The following LINGO2 variants were observed in gnomAD, a reference collection of about 807,000 sequenced individuals.
LINGO2 encodes leucine-rich repeat and immunoglobulin-like domain-containing nogo receptor-interacting protein 2.
In LINGO2, 14 loss-of-function variants were observed where a neutral mutation model predicts 30.6. That is an observed-to-expected ratio of 0.46 (90% CI 0.30 to 0.72). The LOEUF (loss-of-function observed/expected upper bound fraction) is 0.72. Among genes scored for constraint, LINGO2 ranks in the 30% least tolerant of loss-of-function variants. LINGO2 has a pLI of 0.07. For synonymous variants in LINGO2, 317 were observed against 288.5 expected, an observed-to-expected ratio of 1.10 and a Z score of -1.00; for missense variants, 729 against 751.7, an observed-to-expected ratio of 0.97 and a Z score of 0.35.
intron 2 of LINGO2, among the ~76,000 whole-genome samples, chr9:28,403,432 C>A (rs955193311): frequency 1.3e-5 from 2 of 152,192 alleles, no homozygotes; most frequent in African/African-American, 4.8e-5. Flanking sequence ...TCAGGTCTGA[C>A]AGCTAGCTCT....
the LINGO2 span, among the ~76,000 whole-genome samples, chr9:29,071,482 CATATATATATAT>C: frequency 0.016 from 1,900 of 120,820 alleles, 24 homozygotes; most frequent in Non-Finnish European, 0.022. Flanking sequence ...ATTAACTGGT[CATATATATATAT>C]ATATATATAT....
chr9:28,537,154 T>A (rs1037950018), intron 1 of LINGO2, among the ~76,000 whole-genome samples: 5 of 152,056 alleles, frequency 3.3e-5, no homozygotes, highest in Admixed American at 6.6e-5. Flanking sequence ...GAAAGAAGCA[T>A]GAAAAATACT....
intron 5 of LINGO2, among the ~76,000 whole-genome samples, chr9:27,967,786 T>C (rs537490741): frequency 6.6e-6 from 1 of 152,154 alleles, no homozygotes; most frequent in Non-Finnish European, 1.5e-5. Flanking sequence ...GTTAATGTAA[T>C]CCTTTTCCAG....
chr9:28,681,270 C>T, the LINGO2 span, among the ~76,000 whole-genome samples: 1 of 151,964 alleles, frequency 6.6e-6, no homozygotes, highest in Non-Finnish European at 1.5e-5. Context: ...CCTGCTATGC[C>T]AGATGCACTA....
At chr9:28,927,746 T>C in the LINGO2 span, among the ~76,000 whole-genome samples, 3 of 152,248 alleles carry the variant, frequency 2.0e-5, no homozygotes, top group Non-Finnish European at 4.4e-5. Flanking sequence ...TGCTAAAAAC[T>C]GCTGTAGGCA....
At chr9:27,999,351 T>A (rs1821827295) in intron 5 of LINGO2, among the ~76,000 whole-genome samples, 1 of 152,048 alleles carries the variant, frequency 6.6e-6, no homozygotes, top group Non-Finnish European at 1.5e-5. Flanking sequence ...TGATGTTTTG[T>A]GTGCAGGTGT....
intron 3 of LINGO2, among the ~76,000 whole-genome samples, chr9:28,345,731 T>A (rs920981090): frequency 6.6e-6 from 1 of 152,184 alleles, no homozygotes; most frequent in East Asian, 1.9e-4. Flanking sequence ...CTCATTGTGA[T>A]AAAATCACTA....
intron 4 of LINGO2, among the ~76,000 whole-genome samples, chr9:28,027,397 C>A (rs1167816001): frequency 1.3e-5 from 2 of 152,136 alleles, no homozygotes; most frequent in East Asian, 3.9e-4. Context: ...CCAAATAATG[C>A]CTAAAATTAC....
chr9:28,911,356 T>C, the LINGO2 span, among the ~76,000 whole-genome samples: 1 of 152,030 alleles, frequency 6.6e-6, no homozygotes, highest in Non-Finnish European at 1.5e-5. Context: ...TTTCTTTATT[T>C]AAAGAAGCAC....
the LINGO2 span, among the ~76,000 whole-genome samples, chr9:28,829,320 A>G: frequency 1.3e-5 from 2 of 152,088 alleles, no homozygotes; most frequent in Non-Finnish European, 2.9e-5. Context: ...CTATCCTTCA[A>G]TTTGTTCATG....
At chr9:28,752,273 G>A in the LINGO2 span, among the ~76,000 whole-genome samples, 1 of 151,894 alleles carries the variant, frequency 6.6e-6, no homozygotes, top group Admixed American at 6.6e-5. Flanking sequence ...ACCTTTCTTG[G>A]TGATTTTGCC....
chr9:29,029,251 G>A, the LINGO2 span, among the ~76,000 whole-genome samples: 4 of 152,114 alleles, frequency 2.6e-5, no homozygotes, highest in African/African-American at 9.7e-5. Context: ...AAACCTGCCT[G>A]AGTGACCTTA....
chr9:28,082,771 C>T (rs1353020916), intron 4 of LINGO2, among the ~76,000 whole-genome samples: 1 of 152,138 alleles, frequency 6.6e-6, no homozygotes, highest in African/African-American at 2.4e-5. Flanking sequence ...CTTTCTCTCC[C>T]TCTGCGTTTT....
chr9:28,955,256 G>A, the LINGO2 span, among the ~76,000 whole-genome samples: 3 of 152,256 alleles, frequency 2.0e-5, no homozygotes, highest in African/African-American at 7.2e-5. Context: ...AAGAGAAACA[G>A]AGTCAGAAGG....
chr9:28,535,702 G>GCA lies in LINGO2; in HGVS notation c.-364-59679_-364-59678dup, dbSNP rs147738543. On this transcript the variant is annotated intron_variant, in intron 1 of 5. Coordinates refer to ENST00000379992, the Ensembl canonical transcript of LINGO2. ...ATGTACACCACATGAGTACGTGCAT[G>GCA]CACACACACACACACGTGTGGACGC... 2.9e-4 allele frequency among the ~76,000 whole-genome samples: 43 copies of GCA among 147,844 alleles called. 1 individual carries two copies. The East Asian group carries it at 3.2e-3, about 11-fold the overall frequency.
chr9:28,751,427 C>T, the LINGO2 span, among the ~76,000 whole-genome samples: 1 of 151,504 alleles, frequency 6.6e-6, no homozygotes, highest in Non-Finnish European at 1.5e-5. Flanking sequence ...TGCATTGAAA[C>T]TACAGATATA....
rs529661631 is a variant in LINGO2 at position 28,140,910 on chromosome 9, G to A, written c.-86-128505C>T. Among the ~76,000 whole-genome samples, 170 of 150,454 alleles carry A rather than the reference G, an allele frequency of 1.1e-3. 1 individual carries two copies. Among genetic ancestry groups the A allele is most frequent in the African/African-American group, 3.7e-3 (151 of 41,062 alleles). On this transcript the variant is annotated intron_variant, in intron 4 of 5. Transcript: ENST00000379992. Reference sequence around the variant, plus strand: ...TATTCCTTGTTAATTTCTTTATTCCGTAATATACTTAATATAATCTTTACT... The same window carrying A: ...TATTCCTTGTTAATTTCTTTATTCCATAATATACTTAATATAATCTTTACT...
At chr9:28,420,519 C>CT (rs1468496362) in intron 2 of LINGO2, among the ~76,000 whole-genome samples, 1 of 152,034 alleles carries the variant, frequency 6.6e-6, no homozygotes, top group Non-Finnish European at 1.5e-5. Flanking sequence ...TCATATATCA[C>CT]TTCCCATCTA....
chr9:28,658,264 G>C (rs1563898020), intron 1 of LINGO2, among the ~76,000 whole-genome samples: 1 of 152,004 alleles, frequency 6.6e-6, no homozygotes, highest in East Asian at 1.9e-4. Flanking sequence ...AGTCACATTG[G>C]TGTATACAGT....
Sources: allele counts gnomAD v4.1 joint callset (sites outside exome capture counted in the v4.1 genomes callset), GRCh38; gene constraint gnomAD v4.1.1; transcripts MANE v1.5; gene names NCBI Gene and HGNC (gene_info 2026-07-23, HGNC 2026-07-21).